The following SEPTIN6 variants were observed in gnomAD, a reference collection of about 807,000 sequenced individuals.
SEPTIN6 encodes septin 6, also known as septin-6.
SEPTIN6 carries 8 observed loss-of-function variants against 33.6 expected under a neutral mutation model. That is an observed-to-expected ratio of 0.24 (90% CI 0.14 to 0.43). SEPTIN6 has a LOEUF of 0.43. SEPTIN6 is among the 20% of genes least tolerant of loss of function. The probability of loss-of-function intolerance (pLI) is 1.00; values close to 1 mark genes in which losing one functional copy is unlikely to be tolerated. For missense variants in SEPTIN6, 250 were observed against 340.8 expected (o/e 0.73, Z 2.10); for synonymous variants, 131 against 140.0 (o/e 0.94, Z 0.45).
intron 8 of SEPTIN6, among the ~76,000 whole-genome samples, chrX:119,631,783 G>C (rs1203753555): frequency 9.3e-6 from 1 of 107,250 alleles, no homozygotes; most frequent in African/African-American, 3.4e-5. Flanking sequence ...TTTTTTTTGA[G>C]ATGGAGTCTC....
At chrX:119,681,105 G>C (rs958024725) in intron 1 of SEPTIN6, among the ~76,000 whole-genome samples, 1 of 111,111 alleles carries the variant, frequency 9.0e-6, no homozygotes, top group Non-Finnish European at 1.9e-5. Context: ...GTATCAGTCC[G>C]CATTGTTCAG....
intron 9 of SEPTIN6, among the ~76,000 whole-genome samples, chrX:119,627,705 T>C (rs2053877004): frequency 1.8e-5 from 2 of 108,134 alleles, no homozygotes; most frequent in Admixed American, 2.0e-4. Context: ...GTGAGCAACC[T>C]CAGATATAGG....
intron 10 of SEPTIN6, among the ~76,000 whole-genome samples, chrX:119,620,480 G>A (rs1169900437): frequency 6.4e-5 from 7 of 108,860 alleles, no homozygotes; most frequent in African/African-American, 2.0e-4. Flanking sequence ...CGCCACACCC[G>A]GCTAATTTTT....
chrX:119,637,202 A>G lies in SEPTIN6; in HGVS notation c.788-7T>C. ...CAGTGGGCCTCGTTTTCAACTGCAT[A>G]GCAGGATTTGGGGTATTGAAAGTAT... On this transcript the variant is annotated splice_polypyrimidine_tract_variant and splice_region_variant and intron_variant, in intron 6 of 10. Coordinates refer to ENST00000394610, the MANE Select transcript of SEPTIN6 (RefSeq NM_145799.4). 1 of 1,208,422 alleles carries G rather than the reference A, an allele frequency of 8.3e-7. No homozygotes were observed. The highest frequency in any genetic ancestry group is 1.1e-6 in the Non-Finnish European group (1 of 892,801).
In SEPTIN6 at chrX:119,654,130, C is replaced by T. The variant is rs187157678; in HGVS notation, c.342-1090G>A. Among the ~76,000 whole-genome samples the T allele has an allele frequency of 3.4e-3, 383 of 111,075 alleles. 4 individuals carry two copies. Among genetic ancestry groups the T allele is most frequent in the African/African-American group, 0.012 (363 of 30,612 alleles). On this transcript the variant is annotated intron_variant, in intron 3 of 10. Coordinates refer to ENST00000394610, the MANE Select transcript of SEPTIN6 (RefSeq NM_145799.4). ...AAAATCTGGTAAAGCTACTCCCCTCCGCACACCCTGCACACATGGACACAG... is the reference window on the plus strand; with the variant it reads ...AAAATCTGGTAAAGCTACTCCCCTCTGCACACCCTGCACACATGGACACAG...
Position 119,645,915 on chromosome X carries a change from G to A in SEPTIN6, c.690+4022C>T, listed in dbSNP as rs1361066410. Among the ~76,000 whole-genome samples, 3 of 112,195 alleles carry A rather than the reference G, an allele frequency of 2.7e-5. No individual in the cohort carries two copies. In the East Asian group the frequency reaches 8.3e-4, roughly 31 times the overall value. On this transcript the variant is annotated intron_variant, in intron 5 of 10. Coordinates refer to ENST00000394610, the MANE Select transcript of SEPTIN6 (RefSeq NM_145799.4). ...CATAGCACCACCTTTACTGACTTGT[G>A]TCTAACTTAAATTCTTCTTGTACAT...
chrX:119,640,697 A>C lies in SEPTIN6; in HGVS notation c.782T>G (p.Val261Gly), dbSNP rs2054146076. The C allele has an allele frequency of 1.7e-6, 2 of 1,204,427 alleles. No individual in the cohort carries two copies. Among genetic ancestry groups the C allele is most frequent in the Admixed American group, 2.2e-5 (1 of 45,716 alleles). ...CTTCCCGGAGACTCACTCACCCTGC[A>C]CAGTGCCCCAAGGATACTGCCGCGC... The part of the protein sequence containing the change: ...MRARQYPWGT[V>G]QVENEAHCDF... The change falls in exon 6 of 11, where the codon GTG (valine) becomes GGG (glycine). Residue 261 changes from valine to glycine, a missense_variant. By Grantham distance (109) the Val-to-Gly change is moderately radical (BLOSUM62 -3). This residue lies in a region of SEPTIN6 where 139 missense variants were observed against 227.0 expected (regional missense o/e 0.61). Transcript: ENST00000394610.
intron 1 of SEPTIN6, among the ~76,000 whole-genome samples, chrX:119,677,178 T>G (rs1357362262): frequency 8.9e-6 from 1 of 111,882 alleles, no homozygotes; most frequent in African/African-American, 3.2e-5. Context: ...TCTGGGTCCC[T>G]TGACTCCCTA....
chrX:119,650,743 T>C (rs2054336829), intron 4 of SEPTIN6, among the ~76,000 whole-genome samples: 1 of 111,761 alleles, frequency 8.9e-6, no homozygotes, highest in Admixed American at 9.5e-5. Context: ...CCTGGCTCTC[T>C]TTCTGGCAGG....
intron 1 of SEPTIN6, among the ~76,000 whole-genome samples, chrX:119,689,850 C>T (rs1466716833): frequency 9.1e-6 from 1 of 110,109 alleles, no homozygotes; most frequent in East Asian, 2.8e-4. Context: ...TCTGCCTCAG[C>T]CTCCTGAGTA....
intron 2 of SEPTIN6, among the ~76,000 whole-genome samples, chrX:119,667,141 T>C (rs1191637401): frequency 9.0e-6 from 1 of 110,699 alleles, no homozygotes; most frequent in Admixed American, 9.6e-5. Flanking sequence ...CCCTGCCGAA[T>C]GCCCTGTAGC....
intron 1 of SEPTIN6, among the ~76,000 whole-genome samples, chrX:119,679,755 G>A (rs746138192): frequency 1.8e-5 from 2 of 112,040 alleles, no homozygotes; most frequent in East Asian, 2.8e-4. Context: ...CCACTCAGGA[G>A]GCTGAGAGGC....
rs892744409 is a variant in SEPTIN6, at chrX:119,617,993, C to T, written c.*2100G>A. On this transcript the variant is annotated 3_prime_UTR_variant, in exon 11 of 11. Coordinates refer to ENST00000394610, the MANE Select transcript of SEPTIN6 (RefSeq NM_145799.4). ...TGTAATGCAAATAATTACCGGGCGG[C>T]GGTGTGGGGAAGTGGTGGTTACCGG... 64 of 800,322 alleles carry T rather than the reference C, an allele frequency of 8.0e-5. No individual in the cohort carries two copies. The highest frequency in any genetic ancestry group is 1.3e-4 in the African/African-American group (6 of 45,065). 66.0% of individuals were successfully genotyped at this position (800,322 alleles called of 1,213,427 possible).
intron 6 of SEPTIN6, among the ~76,000 whole-genome samples, chrX:119,640,116 C>A (rs1395455211): frequency 9.7e-6 from 1 of 103,200 alleles, no homozygotes; most frequent in African/African-American, 3.5e-5. Flanking sequence ...CCAGCCCCAA[C>A]ACGTAGTTTT....
At chrX:119,634,544 C>T (rs1029777063) in intron 7 of SEPTIN6, among the ~76,000 whole-genome samples, 9 of 110,974 alleles carry the variant, frequency 8.1e-5, no homozygotes, top group Admixed American at 7.7e-4. Context: ...AGACAAAGTT[C>T]CTGAGCCTGG....
At chrX:119,684,468 A>G (rs1052968212) in intron 1 of SEPTIN6, among the ~76,000 whole-genome samples, 5 of 103,884 alleles carry the variant, frequency 4.8e-5, no homozygotes, top group Admixed American at 1.1e-4. Flanking sequence ...AAAAGCACTG[A>G]TAAGTTCCCA....
At chrX:119,638,479 G>A (rs745873780) in intron 6 of SEPTIN6, among the ~76,000 whole-genome samples, 2 of 111,670 alleles carry the variant, frequency 1.8e-5, no homozygotes, top group South Asian at 7.5e-4. Context: ...GAAAAATGGT[G>A]TCTGAAGTGA....
chrX:119,678,326 C>A (rs1283335276), intron 1 of SEPTIN6, among the ~76,000 whole-genome samples: 1 of 110,343 alleles, frequency 9.1e-6, no homozygotes. Context: ...GGAGACCATC[C>A]TGGCTAACAC....
chrX:119,681,331 G>A (rs752541941), intron 1 of SEPTIN6, among the ~76,000 whole-genome samples: 2 of 111,461 alleles, frequency 1.8e-5, no homozygotes, highest in South Asian at 3.7e-4. Context: ...CAATGTGCAC[G>A]AGAGGAGATG....
Sources: gnomAD v4.1 joint callset for allele counts (sites outside exome capture counted in the v4.1 genomes callset) on GRCh38, gnomAD v4.1.1 for gene constraint, gnomAD v4.1.1 regional missense constraint, MANE v1.5 for transcripts, NCBI Gene and HGNC (gene_info 2026-07-23, HGNC 2026-07-21) for gene names.